EEFSEC: variants seen among roughly 807,000 people sequenced by gnomAD.
EEFSEC encodes selenocysteine-specific elongation factor.
Under a neutral mutation model 42.1 loss-of-function variants are expected in EEFSEC, and 43 were observed. The observed-to-expected ratio is 1.02, with a 90% CI of 0.80 to 1.32. The LOEUF is 1.32. Among genes scored for constraint, EEFSEC ranks in the 40% most tolerant of loss-of-function variants. The pLI is 0.00. For synonymous variants in EEFSEC, 354 were observed against 339.1 expected, an observed-to-expected ratio of 1.04 and a Z score of -0.48; for missense variants, 745 against 803.6, an observed-to-expected ratio of 0.93 and a Z score of 0.88.
chr3:128,247,329 T>C (rs1251292045), intron 2 of EEFSEC, among the ~76,000 whole-genome samples: 1 of 152,202 alleles, frequency 6.6e-6, no homozygotes, highest in Non-Finnish European at 1.5e-5. Flanking sequence ...ACAGGGACTC[T>C]GTGCCCAGTG....
downstream of EEFSEC, among the ~76,000 whole-genome samples, chr3:128,410,397 G>A (rs1262375934): frequency 6.6e-6 from 1 of 152,310 alleles, no homozygotes; most frequent in East Asian, 1.9e-4. Context: ...AATGAGGGGT[G>A]ATGTGACCCA....
At chr3:128,194,786 C>G (rs1325943185) in intron 1 of EEFSEC, among the ~76,000 whole-genome samples, 1 of 152,040 alleles carries the variant, frequency 6.6e-6, no homozygotes, top group African/African-American at 2.4e-5. Flanking sequence ...CAGTAATATA[C>G]AAAATACATA....
At chr3:128,331,254 C>CT (rs1482038346) in intron 4 of EEFSEC, among the ~76,000 whole-genome samples, 1 of 46,624 alleles carries the variant, frequency 2.1e-5, no homozygotes, top group African/African-American at 9.8e-5. Flanking sequence ...CCCTCTTCCC[C>CT]CCTTCCTCAG....
At chr3:128,264,547 C>T (rs750030325) in intron 3 of EEFSEC, 70 bp from the exon 4 acceptor site, 10 of 1,536,494 alleles carry the variant, frequency 6.5e-6, no homozygotes, top group Non-Finnish European at 8.8e-6. Flanking sequence ...GCCACATTCT[C>T]TGCCTTCCTC....
At chr3:128,420,740 C>A in the EEFSEC span, among the ~76,000 whole-genome samples, 6 of 152,182 alleles carry the variant, frequency 3.9e-5, no homozygotes, top group Non-Finnish European at 8.8e-5. Context: ...CCCAATACTT[C>A]TCTTCCCTCC....
intron 4 of EEFSEC, among the ~76,000 whole-genome samples, chr3:128,339,053 G>A (rs1036781690): frequency 7.2e-5 from 11 of 152,202 alleles, no homozygotes; most frequent in Non-Finnish European, 1.2e-4. Flanking sequence ...CTGGGCAGAC[G>A]ACGCTTAGTG....
At chr3:128,389,089 C>T (rs1435113765) in intron 6 of EEFSEC, among the ~76,000 whole-genome samples, 1 of 152,240 alleles carries the variant, frequency 6.6e-6, no homozygotes, top group Non-Finnish European at 1.5e-5. Flanking sequence ...TGGGCCGAGG[C>T]AGCCTGCGGT....
chr3:128,277,760 C>T (rs2066484007), intron 4 of EEFSEC, among the ~76,000 whole-genome samples: 1 of 152,194 alleles, frequency 6.6e-6, no homozygotes, highest in Admixed American at 6.5e-5. Context: ...GCACATATGG[C>T]CTGAGATGGG....
At chr3:128,394,481 T>C (rs2067956271) in intron 6 of EEFSEC, among the ~76,000 whole-genome samples, 1 of 137,110 alleles carries the variant, frequency 7.3e-6, no homozygotes, top group South Asian at 2.4e-4. Context: ...ATTTTTAATA[T>C]GTGGATTTTT....
At chr3:128,420,167 C>T in the EEFSEC span, among the ~76,000 whole-genome samples, 27 of 152,324 alleles carry the variant, frequency 1.8e-4, no homozygotes, top group Middle Eastern at 3.4e-3. Context: ...AGAGGCCCCG[C>T]GCAGAGCAGG....
intron 2 of EEFSEC, among the ~76,000 whole-genome samples, chr3:128,256,058 A>G (rs968323880): frequency 1.3e-5 from 2 of 152,166 alleles, no homozygotes; most frequent in Non-Finnish European, 2.9e-5. Flanking sequence ...CGTGCACCAC[A>G]TGTCACACAA....
intron 5 of EEFSEC, among the ~76,000 whole-genome samples, chr3:128,351,699 C>T (rs192855436): frequency 9.2e-5 from 14 of 152,324 alleles, no homozygotes; most frequent in African/African-American, 1.4e-4. Flanking sequence ...TTATATGCAC[C>T]GGCAGCCAAG....
At chr3:128,302,822 T>G (rs1009815385) in intron 4 of EEFSEC, among the ~76,000 whole-genome samples, 2 of 152,216 alleles carry the variant, frequency 1.3e-5, no homozygotes, top group African/African-American at 4.8e-5. Context: ...AAAATTATAC[T>G]CACAAGAAAT....
At chr3:128,359,202 C>G (rs535619082) in intron 6 of EEFSEC, among the ~76,000 whole-genome samples, 1 of 151,970 alleles carries the variant, frequency 6.6e-6, no homozygotes, top group African/African-American at 2.4e-5. Context: ...CATGCCACAG[C>G]GAGGGGGAAG....
intron 1 of EEFSEC, among the ~76,000 whole-genome samples, chr3:128,170,896 G>A (rs1426817248): frequency 6.6e-6 from 1 of 152,188 alleles, no homozygotes; most frequent in Non-Finnish European, 1.5e-5. Flanking sequence ...AGTTATGTTT[G>A]GTCTGATTTC....
intron 4 of EEFSEC, among the ~76,000 whole-genome samples, chr3:128,281,608 T>C (rs2066526308): frequency 6.6e-6 from 1 of 151,584 alleles, no homozygotes; most frequent in African/African-American, 2.4e-5. Flanking sequence ...TCCTGGAGAG[T>C]TTCACCAGGA....
chr3:128,301,035 C>A (rs1249256224), intron 4 of EEFSEC, among the ~76,000 whole-genome samples: 2 of 151,612 alleles, frequency 1.3e-5, no homozygotes, highest in East Asian at 3.9e-4. Context: ...ATGTAAAATT[C>A]TTTATCCTCA....
intron 1 of EEFSEC, among the ~76,000 whole-genome samples, chr3:128,244,564 G>T (rs1286973239): frequency 6.6e-6 from 1 of 150,636 alleles, no homozygotes; most frequent in African/African-American, 2.4e-5. Flanking sequence ...ATTTATTTAT[G>T]CACTTAAAAT....
At position 128,236,501 on chromosome 3, in the gene EEFSEC, C is replaced by T. The variant is rs565279124; in HGVS notation, c.317-10335C>T. 1.7e-4 allele frequency among the ~76,000 whole-genome samples: 26 copies of T among 152,200 alleles called. 1 individual carries two copies. Among genetic ancestry groups the T allele is most frequent in the Admixed American group, 3.9e-4 (6 of 15,288 alleles). ...GCAGGCCGAACACTCAACATGTTAG[C>T]TCTTTGTATTATCATCAGTATTATT... On this transcript the variant is annotated intron_variant, in intron 1 of 6. Transcript: ENST00000254730.
Sources: allele counts gnomAD v4.1 joint callset (sites outside exome capture counted in the v4.1 genomes callset), GRCh38; gene constraint gnomAD v4.1.1; transcripts MANE v1.5; gene names NCBI Gene and HGNC (gene_info 2026-07-23, HGNC 2026-07-21).